The following NEB variants were observed in gnomAD, a reference collection of about 807,000 sequenced individuals.
NEB encodes the protein nemaline myopathy type 2.
A neutral mutation model predicts 952.2 loss-of-function variants in NEB; 512 were observed. That is an observed-to-expected ratio of 0.54 (90% CI 0.50 to 0.58). The LOEUF (loss-of-function observed/expected upper bound fraction) is 0.58, where lower values mean the gene tolerates loss of function less well. Among genes scored for constraint, NEB ranks in the 20% least tolerant of loss-of-function variants. The probability of loss-of-function intolerance (pLI) is 0.00; values close to 1 mark genes in which losing one functional copy is unlikely to be tolerated. For missense variants in NEB, 8,428 were observed against 9,231.1 expected (o/e 0.91, Z 3.56); for synonymous variants, 2,900 against 3,149.8 (o/e 0.92, Z 2.66).
Position 151,499,403 on chromosome 2 carries a change from A to G in NEB, c.24022-13T>C, listed in dbSNP as rs763676617. 2.1e-6 allele frequency: 3 copies of G among 1,462,870 alleles called. No individual in the cohort carries two copies. The highest frequency in any genetic ancestry group is 2.4e-5 in the South Asian group (2 of 82,242). The allele number at this position is 1,462,870 out of a possible 1,614,324, so 90.6% of individuals were successfully genotyped here. The stretch of plus-strand genomic sequence containing the variant: ...CTTTATACAACACCTGTATGACACA[A>G]GAAAGCATCCAGAAAAAACAAGAGC... On this transcript the variant is annotated splice_polypyrimidine_tract_variant and intron_variant, in intron 168 of 181. Coordinates refer to ENST00000397345, the MANE Select transcript of NEB (RefSeq NM_001164508.2).
chr2:151,642,503 C>A, intron 60 of NEB, 71 bp downstream of exon 60: 2 of 1,307,656 alleles, frequency 1.5e-6, no homozygotes, highest in Non-Finnish European at 1.1e-6. Flanking sequence ...ACTTGTGCCA[C>A]TATAAATCCA....
At chr2:151,640,715 A>G (rs760405121) in intron 60 of NEB, 49 bp from the exon 61 acceptor site, 13 of 1,552,488 alleles carry the variant, frequency 8.4e-6, no homozygotes, top group Non-Finnish European at 1.0e-5. Flanking sequence ...TTTTAGTAAA[A>G]AGCAATCACT....
rs539166926 is a variant in NEB at position 151,500,839 on chromosome 2, T to C, written c.24021+552A>G. ...GTCTCGACCTCCTGGGCTCAAGTGA[T>C]CTGCCTGCCTCGACCTCCCAAAGTG... On this transcript the variant is annotated intron_variant, in intron 168 of 181. Coordinates refer to ENST00000397345, the MANE Select transcript of NEB (RefSeq NM_001164508.2). 5.1e-4 allele frequency among the ~76,000 whole-genome samples: 78 copies of C among 152,250 alleles called. 1 individual carries two copies. In the South Asian group the frequency reaches 0.014, roughly 28 times the overall value.
At chr2:151,663,437 G>A in intron 45 of NEB, 111 bp downstream of exon 45, 1 of 1,058,358 alleles carries the variant, frequency 9.4e-7, no homozygotes. Context: ...ACACTATGTT[G>A]GGAAATTGCA....
chr2:151,575,255 T>C (rs554323969), intron 107 of NEB, among the ~76,000 whole-genome samples: 68 of 152,308 alleles, frequency 4.5e-4, no homozygotes, highest in African/African-American at 1.6e-3. Context: ...GTATGTTTTT[T>C]GGTTTTTTCT....
rs146997299 is a variant in NEB, at chr2:151,534,334, T to C, written c.21313-788A>G. ...CTGTATTTTTTCTGCTCAAACATCATAGCATATTATAGCAAGAGTACAACT... is the reference window on the plus strand; with the variant it reads ...CTGTATTTTTTCTGCTCAAACATCACAGCATATTATAGCAAGAGTACAACT... On this transcript the variant is annotated intron_variant, in intron 142 of 181. Transcript: ENST00000397345. The C allele has an allele frequency of 1.6e-5, 25 of 1,596,270 alleles. No homozygotes were observed. Among genetic ancestry groups the C allele is most frequent in the Non-Finnish European group, 2.0e-5 (23 of 1,165,292 alleles).
At chr2:151,542,970 A>G (rs979778025) in intron 135 of NEB, among the ~76,000 whole-genome samples, 1 of 152,176 alleles carries the variant, frequency 6.6e-6, no homozygotes, top group Non-Finnish European at 1.5e-5. Flanking sequence ...ACTGGAACTC[A>G]TTATGGCTGC....
At chr2:151,631,090 G>C in intron 66 of NEB, 53 bp downstream of exon 66, 8 of 1,597,464 alleles carry the variant, frequency 5.0e-6, no homozygotes, top group Middle Eastern at 1.9e-4. Flanking sequence ...AGTCATTAAA[G>C]TATAATAACA....
intron 80 of NEB, 45 bp from the exon 81 acceptor site, chr2:151,610,165 A>G: frequency 6.7e-7 from 1 of 1,484,876 alleles, no homozygotes; most frequent in Non-Finnish European, 9.2e-7. Context: ...TTTTAAAACC[A>G]TGCTCATGTG....
chr2:151,669,425 A>G (rs2099259007), intron 38 of NEB, among the ~76,000 whole-genome samples: 1 of 152,200 alleles, frequency 6.6e-6, no homozygotes, highest in Non-Finnish European at 1.5e-5. Flanking sequence ...CAGACATAAA[A>G]CATGTAAACT....
chr2:151,729,094 A>G (rs1247279334), intron 4 of NEB, among the ~76,000 whole-genome samples: 1 of 152,140 alleles, frequency 6.6e-6, no homozygotes, highest in Admixed American at 6.5e-5. Context: ...TGAACGTGGA[A>G]TATTTATGGT....
intron 124 of NEB, 122 bp downstream of exon 124, chr2:151,560,470 T>C (rs776366247): frequency 6.1e-5 from 46 of 752,600 alleles, no homozygotes; most frequent in Non-Finnish European, 1.1e-4. Flanking sequence ...TTCCTGGACA[T>C]GCCCACGGGA....
intron 140 of NEB, 102 bp downstream of exon 140, chr2:151,537,770 A>G: frequency 1.3e-6 from 1 of 747,674 alleles, no homozygotes; most frequent in Middle Eastern, 2.7e-4. Flanking sequence ...ACAAAATCTA[A>G]AATCTAGCCA....
At chr2:151,488,327 C>T (rs2052886002) in intron 181 of NEB, among the ~76,000 whole-genome samples, 1 of 151,958 alleles carries the variant, frequency 6.6e-6, no homozygotes, top group African/African-American at 2.4e-5. Context: ...TGGAATTTGC[C>T]TGGGAAGGCT....
At chr2:151,640,215 G>A (rs2098829573) in intron 61 of NEB, 140 bp downstream of exon 61, 1 of 1,470,258 alleles carries the variant, frequency 6.8e-7, no homozygotes. Flanking sequence ...AGGGTTAAAG[G>A]ATTAAAATTC....
At position 151,669,553 on chromosome 2, in the gene NEB, G is replaced by A. The variant is rs113945095; in HGVS notation, c.4507-422C>T. On this transcript the variant is annotated intron_variant, in intron 38 of 181. Transcript: ENST00000397345. ...CATTTACACTCAAACTTGGAGAGAG[G>A]GGCAGAGGAAGAGCATTCGGGACCT... 3.5e-3 allele frequency among the ~76,000 whole-genome samples: 539 copies of A among 152,280 alleles called. 3 individuals carry two copies. The highest frequency in any genetic ancestry group is 6.1e-3 in the Non-Finnish European group (413 of 68,012).
Position 151,666,277 on chromosome 2 carries a change from T to C in NEB, c.4844A>G (p.Lys1615Arg). ...VAKIQSDREY[K>R]KGYEASKTKY... ...GGTCTTGCTGGCTTCATAGCCCTTT[T>C]TGTACTCACGATCAGACTGGATTTT... Residue 1615 changes from lysine (K) to arginine (R), a missense_variant, in exon 41 of 182, where the codon AAA (lysine) becomes AGA (arginine). Lys to Arg is a conservative substitution (Grantham distance 26). Coordinates refer to ENST00000397345, the MANE Select transcript of NEB (RefSeq NM_001164508.2). The C allele has an allele frequency of 6.2e-7, 1 of 1,613,952 alleles. No homozygotes were observed. Among genetic ancestry groups the C allele is most frequent in the Non-Finnish European group, 8.5e-7 (1 of 1,179,854 alleles).
chr2:151,501,545 C>A (rs2064563120), intron 167 of NEB, 62 bp from the exon 168 acceptor site: 2 of 892,592 alleles, frequency 2.2e-6, no homozygotes, highest in South Asian at 3.3e-5. Flanking sequence ...GTAGACTTAA[C>A]CTAAAAAAAC....
At chr2:151,560,722 T>C in intron 123 of NEB, 23 bp from the exon 124 acceptor site, 1 of 1,562,712 alleles carries the variant, frequency 6.4e-7, no homozygotes, top group Admixed American at 1.8e-5. Flanking sequence ...AAGACCTTCT[T>C]GTGAATATGG....
Sources: allele counts gnomAD v4.1 joint callset (sites outside exome capture counted in the v4.1 genomes callset), GRCh38; gene constraint gnomAD v4.1.1; transcripts MANE v1.5; gene names NCBI Gene and HGNC (gene_info 2026-07-23, HGNC 2026-07-21).